Variants in FLI1 observed in about 807,000 individuals in gnomAD.
The protein encoded by FLI1 is Friend leukemia integration 1 transcription factor.
FLI1 carries 13 observed loss-of-function variants against 53.1 expected under a neutral mutation model. The observed-to-expected ratio is 0.24, with a 90% confidence interval of 0.16 to 0.39. The LOEUF is 0.39. FLI1 is among the 10% of genes least tolerant of loss of function. The pLI is 1.00. For missense variants in FLI1, 424 were observed against 600.5 expected (o/e 0.71, Z 3.07); for synonymous variants, 244 against 236.7 (o/e 1.03, Z -0.28).
At chr11:128,737,318 T>C (rs1033239540) in intron 1 of FLI1, among the ~76,000 whole-genome samples, 5 of 152,150 alleles carry the variant, frequency 3.3e-5, no homozygotes, top group Non-Finnish European at 5.9e-5. Context: ...AGACAAACGC[T>C]GAAGCAGAAA....
At chr11:128,708,823 AC>A (rs1938665705) in intron 1 of FLI1, among the ~76,000 whole-genome samples, 1 of 152,032 alleles carries the variant, frequency 6.6e-6, no homozygotes, top group Admixed American at 6.6e-5. Context: ...AAGAAAGAGC[AC>A]CCGCCCCGTC....
chr11:128,718,310 G>A (rs1027584249), intron 1 of FLI1, among the ~76,000 whole-genome samples: 1 of 152,234 alleles, frequency 6.6e-6, no homozygotes, highest in African/African-American at 2.4e-5. Flanking sequence ...GTCACTAGAT[G>A]TGTGTGGTCT....
chr11:128,715,283 G>A (rs1398053435), intron 1 of FLI1, among the ~76,000 whole-genome samples: 2 of 152,222 alleles, frequency 1.3e-5, no homozygotes, highest in African/African-American at 2.4e-5. Flanking sequence ...ACCATTAGCA[G>A]AAGTTTATTT....
intron 5 of FLI1, among the ~76,000 whole-genome samples, chr11:128,785,965 G>A (rs953152265): frequency 6.6e-6 from 1 of 152,138 alleles, no homozygotes; most frequent in African/African-American, 2.4e-5. Flanking sequence ...CCACTAAATT[G>A]TACACTTAAA....
intron 1 of FLI1, among the ~76,000 whole-genome samples, chr11:128,732,957 A>G (rs1939762833): frequency 6.6e-6 from 1 of 152,174 alleles, no homozygotes; most frequent in Non-Finnish European, 1.5e-5. Context: ...AAAGCATCTC[A>G]TTGCTTCTCA....
At chr11:128,756,241 T>C (rs898745175) in intron 1 of FLI1, among the ~76,000 whole-genome samples, 1 of 152,154 alleles carries the variant, frequency 6.6e-6, no homozygotes, top group Non-Finnish European at 1.5e-5. Context: ...AGACTGGAAG[T>C]CCAAGATCAG....
Position 128,810,395 on chromosome 11 carries a change from ACT to A in FLI1, c.830-63_830-62del, listed in dbSNP as rs1942906602. ...ATGAGAAGCTCCCTGCATTTAGGGA[ACT>A]GGGTTCTGCCTTCTCTGGGCTGAGG... On this transcript the variant is annotated intron_variant, in intron 8 of 8. Coordinates refer to ENST00000527786, the MANE Select transcript of FLI1 (RefSeq NM_002017.5). The surrounding 1 kb of genome is among the most constrained non-coding windows in gnomAD (Gnocchi z 6.6). The A allele has an allele frequency of 2.7e-6, 4 of 1,469,354 alleles. No homozygotes were observed. Among genetic ancestry groups the A allele is most frequent in the Non-Finnish European group, 2.7e-6 (3 of 1,093,466 alleles). The allele number at this position is 1,469,354 out of a possible 1,614,324, so 91.0% of individuals were successfully genotyped here. A position where few individuals can be genotyped will look rare whatever the true frequency, so the allele number is the denominator to read the frequency against.
chr11:128,741,588 C>T (rs534951799), intron 1 of FLI1, among the ~76,000 whole-genome samples: 111 of 152,302 alleles, frequency 7.3e-4, no homozygotes, highest in Non-Finnish European at 1.4e-3. Flanking sequence ...GAAAGTGCCA[C>T]AGTCAAGCCT....
Position 128,694,141 on chromosome 11 carries a change from A to G in FLI1, c.-118A>G. 8.9e-7 allele frequency: 1 copy of G among 1,119,288 alleles called. No homozygotes were observed. The highest frequency in any genetic ancestry group is 3.4e-5 in the Admixed American group (1 of 29,310). The allele number at this position is 1,119,288 out of a possible 1,614,324, so 69.3% of individuals were successfully genotyped here. Reference sequence around the variant, plus strand: ...GGCAGGGCGCTCGCAGGGGGCACGCAGGGAGGGCCCAGGGCGCCAGGGAGG... The same window carrying G: ...GGCAGGGCGCTCGCAGGGGGCACGCGGGGAGGGCCCAGGGCGCCAGGGAGG... On this transcript the variant is annotated 5_prime_UTR_variant, in exon 1 of 9. Transcript: ENST00000527786.
Position 128,768,098 on chromosome 11 carries a change from T to G in FLI1, c.231-20T>G. 6.3e-7 allele frequency: 1 copy of G among 1,597,836 alleles called. No individual in the cohort carries two copies. Among genetic ancestry groups the G allele is most frequent in the Non-Finnish European group, 8.5e-7 (1 of 1,169,942 alleles). On this transcript the variant is annotated intron_variant, in intron 2 of 8. Coordinates refer to ENST00000527786, the MANE Select transcript of FLI1 (RefSeq NM_002017.5). The stretch of plus-strand genomic sequence containing the variant: ...CTGTCAGTGCTGACCGCCTCTGGGC[T>G]TTGTCTCTTCTCACTTTAGGGAGTC...
At position 128,774,440 on chromosome 11, in the gene FLI1, T is replaced by C. The variant is rs374676335; in HGVS notation, c.589+1455T>C. 1.1e-4 allele frequency among the ~76,000 whole-genome samples: 17 copies of C among 152,314 alleles called. No homozygotes were observed. The East Asian group carries it at 3.1e-3, about 28-fold the overall frequency. On this transcript the variant is annotated intron_variant, in intron 4 of 8. Transcript: ENST00000527786. Reference sequence around the variant, plus strand: ...GATAATTAGCACTTTCTAATTCATATTTTCAGCTTTTAACTGTTTGTGGAA... The same window carrying C: ...GATAATTAGCACTTTCTAATTCATACTTTCAGCTTTTAACTGTTTGTGGAA...
chr11:128,701,124 C>T (rs1938314280), intron 1 of FLI1, among the ~76,000 whole-genome samples: 1 of 152,172 alleles, frequency 6.6e-6, no homozygotes, highest in Admixed American at 6.5e-5. Flanking sequence ...TCTTCAAAGA[C>T]ACCTGTTGAT....
At position 128,810,022 on chromosome 11, in the gene FLI1, C is replaced by T. The variant is rs73021488; in HGVS notation, c.830-437C>T. Among the ~76,000 whole-genome samples, 945 of 151,992 alleles carry T rather than the reference C, an allele frequency of 6.2e-3. 3 individuals are homozygous for T. Among genetic ancestry groups the T allele is most frequent in the Non-Finnish European group, 0.011 (717 of 68,022 alleles). ...CTCCCAATGACTCCCACAGTCATGC[C>T]TTGCCCCTGACTTTTTATTGCTGAC... On this transcript the variant is annotated intron_variant, in intron 8 of 8. Transcript: ENST00000527786. This position sits in a 1 kb window ranked among gnomAD's most constrained non-coding sequence, Gnocchi z 6.6.
chr11:128,727,227 T>C (rs1371423795), intron 1 of FLI1, among the ~76,000 whole-genome samples: 2 of 152,214 alleles, frequency 1.3e-5, no homozygotes, highest in Admixed American at 1.3e-4. Context: ...CTTCCTGAAC[T>C]ATAAAATGAG....
At chr11:128,705,590 G>C (rs562193685) in intron 1 of FLI1, among the ~76,000 whole-genome samples, 1 of 152,220 alleles carries the variant, frequency 6.6e-6, no homozygotes, top group African/African-American at 2.4e-5. Flanking sequence ...GGAATGTTTT[G>C]CGAGGTTAAA....
intron 3 of FLI1, among the ~76,000 whole-genome samples, chr11:128,772,051 C>T (rs1308889046): frequency 7.0e-6 from 1 of 142,716 alleles, no homozygotes. Flanking sequence ...CACACACACA[C>T]ACACACACAC....
chr11:128,792,882 C>A (rs1451071863), intron 5 of FLI1, among the ~76,000 whole-genome samples: 1 of 152,048 alleles, frequency 6.6e-6, no homozygotes, highest in Non-Finnish European at 1.5e-5. Flanking sequence ...TTTGGAAACC[C>A]AAGGTGAGAG....
At chr11:128,786,097 A>G (rs2135873583) in intron 5 of FLI1, among the ~76,000 whole-genome samples, 1 of 152,344 alleles carries the variant, frequency 6.6e-6, no homozygotes, top group East Asian at 1.9e-4. Flanking sequence ...AGAACCTCCA[A>G]GGGTGACTCC....
intron 1 of FLI1, among the ~76,000 whole-genome samples, chr11:128,700,505 G>A (rs1938280204): frequency 6.6e-6 from 1 of 152,218 alleles, no homozygotes; most frequent in South Asian, 2.1e-4. Flanking sequence ...GGGGAGGAAA[G>A]TGTACAGGTG....
Sources: allele counts gnomAD v4.1 joint callset (sites outside exome capture counted in the v4.1 genomes callset), GRCh38; gene constraint gnomAD v4.1.1; non-coding constraint Gnocchi (gnomAD v3.1); transcripts MANE v1.5; gene names NCBI Gene and HGNC (gene_info 2026-07-23, HGNC 2026-07-21).